GLRA3: variants seen among roughly 807,000 people sequenced by gnomAD.
GLRA3 encodes glycine receptor alpha 3.
A neutral mutation model predicts 60.4 loss-of-function variants in GLRA3; 44 were observed. The observed-to-expected ratio is 0.73, with a 90% CI of 0.57 to 0.94. GLRA3 has a LOEUF of 0.94. Among genes scored for constraint, GLRA3 ranks in the 40% least tolerant of loss-of-function variants. The pLI, the probability that GLRA3 is intolerant of heterozygous loss-of-function variation, is 0.00. For synonymous variants in GLRA3, 223 were observed against 192.9 expected, an observed-to-expected ratio of 1.16 and a Z score of -1.29; for missense variants, 508 against 564.6, an observed-to-expected ratio of 0.90 and a Z score of 1.02.
Position 174,642,944 on chromosome 4 carries a change from T to C in GLRA3, c.*842A>G, listed in dbSNP as rs1283784445. The C allele has an allele frequency of 1.1e-5, 9 of 813,918 alleles. No homozygotes were observed. The highest frequency in any genetic ancestry group is 1.2e-5 in the Non-Finnish European group (8 of 674,232). 50.4% of individuals were successfully genotyped at this position (813,918 alleles called of 1,614,324 possible). On this transcript the variant is annotated 3_prime_UTR_variant, in exon 10 of 10. Transcript: ENST00000274093. ...AATTTTGTCCTGTTATATCAAATTA[T>C]TAAACACAATCACATACAGTTAAGT...
chr4:174,778,565 C>T (rs924594587), intron 2 of GLRA3, among the ~76,000 whole-genome samples: 1 of 152,104 alleles, frequency 6.6e-6, no homozygotes, highest in Admixed American at 6.5e-5. Flanking sequence ...CCTGAGGTAC[C>T]GGGTTCATCT....
At chr4:174,722,966 T>C (rs1366592412) in intron 4 of GLRA3, 1 of 167,416 alleles carries the variant, frequency 6.0e-6, no homozygotes, top group African/African-American at 2.4e-5. Context: ...CGAGAGACCA[T>C]CTGTTTCATT....
intron 9 of GLRA3, among the ~76,000 whole-genome samples, chr4:174,653,850 T>C (rs1733104956): frequency 6.6e-6 from 1 of 152,064 alleles, no homozygotes; most frequent in African/African-American, 2.4e-5. Context: ...TTTTATTAAG[T>C]ATTATTTTCC....
intron 3 of GLRA3, among the ~76,000 whole-genome samples, chr4:174,745,296 T>C (rs1554017721): frequency 6.6e-6 from 1 of 152,190 alleles, no homozygotes; most frequent in South Asian, 2.1e-4. Context: ...GGAGGCCCAG[T>C]GTCCCCCAAA....
chr4:174,736,072 A>C (rs1736774251), intron 3 of GLRA3, among the ~76,000 whole-genome samples: 1 of 152,158 alleles, frequency 6.6e-6, no homozygotes, highest in South Asian at 2.1e-4. Flanking sequence ...AATGGGAAGA[A>C]AATTTTTTGA....
chr4:174,819,704 G>A lies in GLRA3; in HGVS notation c.71+9037C>T, dbSNP rs530027976. Among the ~76,000 whole-genome samples, 7 of 152,182 alleles carry A rather than the reference G, an allele frequency of 4.6e-5. No individual in the cohort carries two copies. In the South Asian group the frequency reaches 1.5e-3, roughly 32 times the overall value. The stretch of plus-strand genomic sequence containing the variant: ...ATCTACCTTTTATAGAGACTCACAG[G>A]ATTAATACATAAATGTATGTAAACA... On this transcript the variant is annotated intron_variant, in intron 1 of 9. Transcript: ENST00000274093.
chr4:174,662,638 C>G (rs1339939590), intron 7 of GLRA3, among the ~76,000 whole-genome samples: 1 of 152,012 alleles, frequency 6.6e-6, no homozygotes, highest in Non-Finnish European at 1.5e-5. Context: ...AGTGGCTCAA[C>G]ATTTGGGGGA....
chr4:174,767,962 C>G (rs2111240522), intron 2 of GLRA3, among the ~76,000 whole-genome samples: 1 of 152,258 alleles, frequency 6.6e-6, no homozygotes, highest in Non-Finnish European at 1.5e-5. Flanking sequence ...GTGTCACAGC[C>G]TTAGGCAGCT....
chr4:174,738,016 GA>G (rs953257573), intron 3 of GLRA3, among the ~76,000 whole-genome samples: 11 of 151,896 alleles, frequency 7.2e-5, no homozygotes, highest in Middle Eastern at 6.8e-3. Flanking sequence ...TTATGTCAAA[GA>G]AAAAAAATAA....
Position 174,643,591 on chromosome 4 carries a change from T to C in GLRA3, c.*195A>G, listed in dbSNP as rs1456314233. Reference sequence around the variant, plus strand: ...ATATGAAATAGAATCCCCTAATAAATATTTTATATTCATTAAAAGAATCTC... The same window carrying C: ...ATATGAAATAGAATCCCCTAATAAACATTTTATATTCATTAAAAGAATCTC... On this transcript the variant is annotated 3_prime_UTR_variant, in exon 10 of 10. Transcript: ENST00000274093. 7.9e-6 allele frequency: 10 copies of C among 1,268,554 alleles called. No individual in the cohort carries two copies. The highest frequency in any genetic ancestry group is 1.0e-5 in the Non-Finnish European group (10 of 1,002,704). 78.6% of individuals were successfully genotyped at this position (1,268,554 alleles called of 1,614,324 possible). A position where few individuals can be genotyped will look rare whatever the true frequency, so the allele number is the denominator to read the frequency against.
chr4:174,691,677 G>T (rs1734817238), intron 5 of GLRA3, among the ~76,000 whole-genome samples: 1 of 152,212 alleles, frequency 6.6e-6, no homozygotes, highest in Admixed American at 6.5e-5. Flanking sequence ...TGCAGACGGA[G>T]TCTGGTTCAC....
chr4:174,717,731 A>G (rs186451088), intron 4 of GLRA3, among the ~76,000 whole-genome samples: 61 of 152,316 alleles, frequency 4.0e-4, no homozygotes, highest in Admixed American at 1.1e-3. Context: ...TGATTGTGTA[A>G]TTTTACAAAG....
At chr4:174,761,189 C>A (rs895871806) in intron 3 of GLRA3, among the ~76,000 whole-genome samples, 3 of 151,350 alleles carry the variant, frequency 2.0e-5, no homozygotes, top group African/African-American at 7.3e-5. Context: ...AAAAATACTT[C>A]AAAAAGAATG....
intron 7 of GLRA3, among the ~76,000 whole-genome samples, chr4:174,671,028 T>C (rs867560581): frequency 4.5e-4 from 69 of 152,188 alleles, no homozygotes; most frequent in Non-Finnish European, 4.3e-4. Context: ...TCTAAATTAA[T>C]GTATATGGAA....
At chr4:174,696,803 C>T (rs1735073598) in intron 5 of GLRA3, among the ~76,000 whole-genome samples, 1 of 151,796 alleles carries the variant, frequency 6.6e-6, no homozygotes, top group African/African-American at 2.4e-5. Context: ...TAGAAACAAA[C>T]ACAAATGCAT....
chr4:174,652,569 AT>A, intron 9 of GLRA3, among the ~76,000 whole-genome samples: 1 of 136,486 alleles, frequency 7.3e-6, no homozygotes. Context: ...TTTTCTGTAA[AT>A]TTAAAACTGA....
In GLRA3 at chr4:174,728,641, T is replaced by C. The variant is rs1163138234; in HGVS notation, c.325A>G (p.Ser109Gly). ...TCTAAAGAGTCGTCAGGATATTCAC[T>C]GTACGCGAGGCGGGGATCATTCCAT... is the stretch of plus-strand genomic sequence containing the variant. ...QKWNDPRLAY[S>G]EYPDDSLDLD... Residue 109 changes from serine (S) to glycine (G), a missense_variant, in exon 4 of 10, where the codon AGT (serine) becomes GGT (glycine). Ser to Gly is a moderately conservative substitution (Grantham distance 56). This residue lies in a region of GLRA3 where 329 missense variants were observed against 349.3 expected (regional missense o/e 0.94). Transcript: ENST00000274093. The C allele has an allele frequency of 5.6e-6, 9 of 1,611,958 alleles. No individual in the cohort carries two copies. The Admixed American group carries it at 6.7e-5, about 12-fold the overall frequency.
chr4:174,694,010 C>T (rs368767383), intron 5 of GLRA3, among the ~76,000 whole-genome samples: 13 of 151,958 alleles, frequency 8.6e-5, no homozygotes, highest in African/African-American at 2.2e-4. Context: ...ATAATGGTAA[C>T]GGGTTCAATT....
intron 1 of GLRA3, among the ~76,000 whole-genome samples, chr4:174,815,829 C>T (rs1740475702): frequency 6.6e-6 from 1 of 152,212 alleles, no homozygotes; most frequent in East Asian, 1.9e-4. Context: ...ACAAAGTTCT[C>T]TGACTTGCCC....
Sources: allele counts gnomAD v4.1 joint callset (sites outside exome capture counted in the v4.1 genomes callset), GRCh38; gene constraint gnomAD v4.1.1; regional missense constraint gnomAD v4.1.1; transcripts MANE v1.5; gene names NCBI Gene and HGNC (gene_info 2026-07-23, HGNC 2026-07-21).